C7: variants seen among roughly 807,000 people sequenced by gnomAD.
C7 encodes the protein complement component C7.
C7 carries 83 observed loss-of-function variants against 104.8 expected under a neutral mutation model. The ratio of observed to expected loss-of-function variants is 0.79; its 90% CI spans 0.66 to 0.95. C7 has a LOEUF of 0.95. C7 is among the 40% of genes least tolerant of loss of function. The probability of loss-of-function intolerance (pLI) is 0.00; values close to 1 mark genes in which losing one functional copy is unlikely to be tolerated. For synonymous variants in C7, 415 were observed against 360.6 expected (o/e 1.15, Z -1.71); for missense variants, 1,070 against 1,011.2 (o/e 1.06, Z -0.79).
chr5:40,945,344 T>C lies in C7; in HGVS notation c.714T>C (p.His238=), dbSNP rs1175580328. ...SSSSSRSYTS[H]TNEIHKGKSY... Reference sequence around the variant, plus strand: ...CTTCTTCACGCAGTTATACTTCACATACCAATGAAATCCATAAAGGAAAGG... The same window carrying C: ...CTTCTTCACGCAGTTATACTTCACACACCAATGAAATCCATAAAGGAAAGG... The change falls in exon 7 of 18, where the codon CAT becomes CAC. Residue 238 remains histidine, a synonymous_variant. Coordinates refer to ENST00000313164, the MANE Select transcript of C7 (RefSeq NM_000587.4). 1.3e-6 allele frequency: 2 copies of C among 1,597,182 alleles called. No homozygotes were observed. The highest frequency in any genetic ancestry group is 2.3e-5 in the South Asian group (2 of 86,088).
At chr5:40,927,681 G>A (rs988381408) in intron 1 of C7, among the ~76,000 whole-genome samples, 2 of 151,932 alleles carry the variant, frequency 1.3e-5, no homozygotes, top group African/African-American at 4.8e-5. Flanking sequence ...CAATAGATAC[G>A]TAAAAAAAGT....
chr5:40,974,490 A>T (rs1039801855), intron 15 of C7, among the ~76,000 whole-genome samples: 2 of 150,316 alleles, frequency 1.3e-5, no homozygotes, highest in African/African-American at 4.9e-5. Flanking sequence ...ATCTCAGCTC[A>T]CTGCAAGTTC....
chr5:40,971,653 T>C (rs1461468914), intron 14 of C7, among the ~76,000 whole-genome samples: 1 of 152,220 alleles, frequency 6.6e-6, no homozygotes, highest in Admixed American at 6.5e-5. Context: ...AGTCATGAAG[T>C]CTTTGCCCAT....
At chr5:40,933,486 A>C (rs1471885430) in intron 3 of C7, among the ~76,000 whole-genome samples, 1 of 152,190 alleles carries the variant, frequency 6.6e-6, no homozygotes, top group Non-Finnish European at 1.5e-5. Flanking sequence ...ATGAGGATTA[A>C]ATAAACTTTA....
At chr5:40,917,406 TTAACA>T (rs760134846) in intron 1 of C7, among the ~76,000 whole-genome samples, 2 of 152,198 alleles carry the variant, frequency 1.3e-5, no homozygotes, top group African/African-American at 4.8e-5. Context: ...TTTATTTCAC[TTAACA>T]TAATGTTATC....
At chr5:40,965,209 GC>G (rs1184265276) in intron 14 of C7, among the ~76,000 whole-genome samples, 1 of 152,162 alleles carries the variant, frequency 6.6e-6, no homozygotes, top group African/African-American at 2.4e-5. Flanking sequence ...TTTCTTAAAT[GC>G]TTTGCCTCCT....
chr5:40,962,855 C>T lies in C7; in HGVS notation c.1749+683C>T, dbSNP rs148681041. Among the ~76,000 whole-genome samples, 334 of 152,300 alleles carry T rather than the reference C, an allele frequency of 2.2e-3. 2 individuals carry two copies. Among genetic ancestry groups the T allele is most frequent in the African/African-American group, 7.6e-3 (315 of 41,568 alleles). On this transcript the variant is annotated intron_variant, in intron 13 of 17. Coordinates refer to ENST00000313164, the MANE Select transcript of C7 (RefSeq NM_000587.4). ...TCTCCATGTTACCAGCACTGCTTTC[C>T]TCACAAGGGATTTTGCTTTTCAAAC...
intron 4 of C7, among the ~76,000 whole-genome samples, chr5:40,934,734 CT>C (rs1468333433): frequency 1.3e-5 from 2 of 152,200 alleles, no homozygotes; most frequent in East Asian, 3.9e-4. Context: ...CCAAAAAGTT[CT>C]TGACAGTGTA....
At position 40,937,436 on chromosome 5, in the gene C7, GTAATGCATTT is replaced by G. The variant is rs555285491; in HGVS notation, c.429-112_429-103del. 348 of 970,392 alleles carry G rather than the reference GTAATGCATTT, an allele frequency of 3.6e-4. 6 individuals are homozygous for G. In the South Asian group the frequency reaches 6.1e-3, roughly 17 times the overall value. 60.1% of individuals were successfully genotyped at this position (970,392 alleles called of 1,614,324 possible). On this transcript the variant is annotated intron_variant, in intron 5 of 17. Transcript: ENST00000313164. ...AACTCTCTCAAAGAAGTGTTTAAGT[GTAATGCATTT>G]TAAGAATTTGTAGAGTTCTGTAATA...
intron 1 of C7, among the ~76,000 whole-genome samples, chr5:40,928,039 A>C (rs746261854): frequency 2.0e-5 from 3 of 152,230 alleles, no homozygotes. Flanking sequence ...ATGGATAAAG[A>C]AAATGTGGTG....
intron 15 of C7, among the ~76,000 whole-genome samples, chr5:40,972,869 C>G (rs1384779898): frequency 2.0e-5 from 3 of 152,070 alleles, no homozygotes; most frequent in Admixed American, 2.0e-4. Context: ...TGTTATGGTG[C>G]CAAGACAATA....
At chr5:40,946,180 A>G (rs1420539540) in intron 7 of C7, among the ~76,000 whole-genome samples, 1 of 152,100 alleles carries the variant, frequency 6.6e-6, no homozygotes, top group East Asian at 1.9e-4. Context: ...TACTTTTGAG[A>G]TACCAACATT....
chr5:40,973,748 A>G (rs1304583934), intron 15 of C7, among the ~76,000 whole-genome samples: 1 of 152,262 alleles, frequency 6.6e-6, no homozygotes, highest in Non-Finnish European at 1.5e-5. Flanking sequence ...AAAATGAAAG[A>G]GAACAATATA....
At chr5:40,957,629 A>G (rs1165714394) in intron 10 of C7, among the ~76,000 whole-genome samples, 3 of 151,770 alleles carry the variant, frequency 2.0e-5, no homozygotes, top group African/African-American at 7.3e-5. Context: ...CTAATTTTGT[A>G]TTTTTAGTAG....
At chr5:40,968,610 T>C in intron 14 of C7, among the ~76,000 whole-genome samples, 1 of 44,668 alleles carries the variant, frequency 2.2e-5, no homozygotes, top group Admixed American at 2.2e-4. Context: ...ATTTTTTTTT[T>C]TTTTTTTTTT....
Position 40,945,797 on chromosome 5 carries a change from G to A in C7, c.738+429G>A, listed in dbSNP as rs561484846. 2.0e-5 allele frequency among the ~76,000 whole-genome samples: 3 copies of A among 150,746 alleles called. No individual in the cohort carries two copies. The South Asian group carries it at 6.3e-4, about 32-fold the overall frequency. ...AAGGATCACTTGAGCCTTGGAGGGA[G>A]AGGATGCAGTGAGCCAATATCATGT... On this transcript the variant is annotated intron_variant, in intron 7 of 17. Coordinates refer to ENST00000313164, the MANE Select transcript of C7 (RefSeq NM_000587.4).
At chr5:40,949,265 A>G (rs1337359167) in intron 8 of C7, among the ~76,000 whole-genome samples, 1 of 152,036 alleles carries the variant, frequency 6.6e-6, no homozygotes, top group Non-Finnish European at 1.5e-5. Flanking sequence ...TTGTTCTTTA[A>G]GAAACATTAA....
intron 9 of C7, among the ~76,000 whole-genome samples, chr5:40,951,416 G>A (rs1285578332): frequency 6.6e-6 from 1 of 152,090 alleles, no homozygotes; most frequent in Non-Finnish European, 1.5e-5. Context: ...TAAACACTGG[G>A]TACTTATGGA....
intron 1 of C7, among the ~76,000 whole-genome samples, chr5:40,921,619 A>T (rs2111624160): frequency 1.3e-5 from 2 of 152,110 alleles, no homozygotes. Flanking sequence ...AAAAAAAAGT[A>T]GTATGCTAAC....
Sources: gnomAD v4.1 joint callset for allele counts (sites outside exome capture counted in the v4.1 genomes callset) on GRCh38, gnomAD v4.1.1 for gene constraint, MANE v1.5 for transcripts, NCBI Gene and HGNC (gene_info 2026-07-23, HGNC 2026-07-21) for gene names.